Variants in EML2 observed in about 807,000 individuals in gnomAD.
EML2 encodes the protein echinoderm microtubule-associated protein-like 2.
Under a neutral mutation model 84.7 loss-of-function variants are expected in EML2, and 59 were observed. That is an observed-to-expected ratio of 0.70 (90% CI 0.56 to 0.86). The LOEUF (loss-of-function observed/expected upper bound fraction) is 0.86. Ranked by LOEUF, EML2 falls within the 40% of genes least tolerant of loss-of-function variation. EML2 has a pLI of 0.00. For synonymous variants in EML2, 352 were observed against 348.9 expected, an observed-to-expected ratio of 1.01 and a Z score of -0.10; for missense variants, 818 against 855.6, an observed-to-expected ratio of 0.96 and a Z score of 0.55.
intron 6 of EML2, among the ~76,000 whole-genome samples, chr19:45,631,916 G>A (rs554808984): frequency 1.1e-5 from 1 of 93,166 alleles, no homozygotes. Context: ...TTTTTAGTTG[G>A]AGTCTCGCCC....
intron 3 of EML2, among the ~76,000 whole-genome samples, chr19:45,638,064 G>A (rs923894322): frequency 2.0e-5 from 3 of 152,150 alleles, no homozygotes; most frequent in Non-Finnish European, 4.4e-5. Flanking sequence ...CACCCACCTC[G>A]GCCTCCCAAT....
upstream of EML2, chr19:45,641,942 T>C (rs1420718393): frequency 3.5e-6 from 5 of 1,443,870 alleles, no homozygotes; most frequent in Admixed American, 1.4e-4. Context: ...CGCCTCCTTC[T>C]TGGGAGAGGA....
intron 8 of EML2, among the ~76,000 whole-genome samples, chr19:45,625,846 G>A (rs898521940): frequency 2.0e-5 from 3 of 151,824 alleles, no homozygotes; most frequent in Non-Finnish European, 4.4e-5. Context: ...CCATCATATC[G>A]ACAACCGCAG....
At chr19:45,641,559 C>T, upstream of EML2, 1 of 1,401,272 alleles carries the variant, frequency 7.1e-7, no homozygotes, top group Non-Finnish European at 9.7e-7. Context: ...AGGTTACGAC[C>T]TCGTGGCCTG....
At chr19:45,620,984 A>G (rs748221181) in intron 11 of EML2, 56 of 662,580 alleles carry the variant, frequency 8.5e-5, no homozygotes, top group South Asian at 1.8e-4. Context: ...GAGTGGCAGG[A>G]GGCAGCACAG....
chr19:45,631,361 G>T (rs1055861928), intron 6 of EML2, among the ~76,000 whole-genome samples: 2 of 152,044 alleles, frequency 1.3e-5, no homozygotes, highest in African/African-American at 2.4e-5. Flanking sequence ...CTAATCCATT[G>T]AAGACTAATA....
At chr19:45,614,723 A>G (rs924059048) in intron 16 of EML2, 23 bp from the exon 17 acceptor site, 28 of 1,597,424 alleles carry the variant, frequency 1.8e-5, no homozygotes, top group Non-Finnish European at 2.3e-5. Flanking sequence ...ATGGGAGGAG[A>G]CATTCAGAGT....
chr19:45,614,819 A>C, intron 16 of EML2, 119 bp from the exon 17 acceptor site: 118 of 785,680 alleles, frequency 1.5e-4, no homozygotes, highest in East Asian at 2.6e-4. Flanking sequence ...CCCAGGGCTC[A>C]TTCTACCTGT....
upstream of EML2, chr19:45,643,609 G>GCCCT: frequency 6.5e-7 from 1 of 1,536,140 alleles, no homozygotes; most frequent in Middle Eastern, 1.7e-4. Flanking sequence ...AACCAAGGAA[G>GCCCT]CCCTGGTTCC....
upstream of EML2, chr19:45,645,031 C>T (rs1378072225): frequency 3.4e-6 from 2 of 587,218 alleles, no homozygotes; most frequent in Admixed American, 6.0e-5. Flanking sequence ...CGGGTTCTGC[C>T]CCCTTCTCTC....
In EML2 at chr19:45,617,702, G is replaced by A. The variant is rs748698028; in HGVS notation, c.1255-5C>T. 1.2e-6 allele frequency: 2 copies of A among 1,613,382 alleles called. No individual in the cohort carries two copies. The highest frequency in any genetic ancestry group is 1.7e-5 in the Admixed American group (1 of 59,948). ...GCCGGCTGAGCGGGCAGGGTCCTGAGAAGGGAGAGAGAAGAGGCAGGGCTC... is the reference window on the plus strand; with the variant it reads ...GCCGGCTGAGCGGGCAGGGTCCTGAAAAGGGAGAGAGAAGAGGCAGGGCTC... On this transcript the variant is annotated splice_region_variant and splice_polypyrimidine_tract_variant and intron_variant, in intron 12 of 18. Coordinates refer to ENST00000245925, the MANE Select transcript of EML2 (RefSeq NM_012155.4).
chr19:45,645,367 C>T (rs1489558741), upstream of EML2: 17 of 1,526,778 alleles, frequency 1.1e-5, no homozygotes, highest in Non-Finnish European at 1.5e-5. Context: ...CGCCGGCCCC[C>T]CCGGTCCCAG....
intron 7 of EML2, among the ~76,000 whole-genome samples, chr19:45,627,255 C>A (rs1388934925): frequency 6.7e-6 from 1 of 149,478 alleles, no homozygotes; most frequent in Non-Finnish European, 1.5e-5. Flanking sequence ...CTGCGCCCGG[C>A]CTTTTTTTTT....
chr19:45,644,888 C>T, upstream of EML2: 1 of 432,914 alleles, frequency 2.3e-6, no homozygotes, highest in South Asian at 1.7e-5. Flanking sequence ...CCAAATCCAC[C>T]CCCACCCCCT....
chr19:45,621,568 C>A lies in EML2; in HGVS notation c.911G>T (p.Arg304Leu), dbSNP rs190064158. ...CCCTCCAGACACCAGCGTCCCGTCC[C>A]GCAGGGCGCAGAGCCCAAACACGCC... ...DGGVFGLCAL[R>L]DGTLVSGGGR... is the part of the protein sequence containing the mutation. Residue 304 changes from arginine to leucine, a missense_variant, in exon 10 of 19, where the codon CGG becomes CTG. Arg to Leu is a moderately radical substitution (Grantham distance 102, BLOSUM62 -2). Transcript: ENST00000245925. The A allele has an allele frequency of 5.0e-6, 8 of 1,612,560 alleles. No individual in the cohort carries two copies. The highest frequency in any genetic ancestry group is 6.8e-6 in the Non-Finnish European group (8 of 1,179,944).
chr19:45,625,540 C>T (rs1355070180), intron 8 of EML2, among the ~76,000 whole-genome samples: 7 of 151,880 alleles, frequency 4.6e-5, no homozygotes. Context: ...CCGCACCCAG[C>T]CTGGTCCCCC....
intron 12 of EML2, among the ~76,000 whole-genome samples, chr19:45,618,650 T>A (rs1971354426): frequency 6.6e-6 from 1 of 151,914 alleles, no homozygotes; most frequent in African/African-American, 2.4e-5. Flanking sequence ...CCACCCTGCT[T>A]AAAAAGACCT....
upstream of EML2, chr19:45,645,433 T>C: frequency 6.9e-7 from 1 of 1,451,346 alleles, no homozygotes. Context: ...GCAACGCCCT[T>C]CGTTCCAGCA....
intron 8 of EML2, among the ~76,000 whole-genome samples, chr19:45,625,240 T>C (rs1972167993): frequency 6.6e-6 from 1 of 151,156 alleles, no homozygotes; most frequent in African/African-American, 2.4e-5. Context: ...TAATTTTGTT[T>C]TGTTTTTGTT....
Sources: gnomAD v4.1 joint callset for allele counts (sites outside exome capture counted in the v4.1 genomes callset) on GRCh38, gnomAD v4.1.1 for gene constraint, MANE v1.5 for transcripts, NCBI Gene and HGNC (gene_info 2026-07-23, HGNC 2026-07-21) for gene names.